The following CEP128 variants were observed in gnomAD, a reference collection of about 807,000 sequenced individuals.
The protein encoded by CEP128 is centrosomal protein 128.
Under a neutral mutation model 156.7 loss-of-function variants are expected in CEP128, and 132 were observed. The observed-to-expected ratio is 0.84, with a 90% confidence interval of 0.73 to 0.97. CEP128 has a LOEUF of 0.97. Among genes scored for constraint, CEP128 ranks in the 50% least tolerant of loss-of-function variants. The pLI is 0.00. For missense variants in CEP128, 1,252 were observed against 1,281.9 expected, an observed-to-expected ratio of 0.98 and a Z score of 0.36; for synonymous variants, 469 against 448.9, an observed-to-expected ratio of 1.04 and a Z score of -0.57.
intron 19 of CEP128, among the ~76,000 whole-genome samples, chr14:80,619,968 T>C (rs1161405351): frequency 6.7e-6 from 1 of 150,326 alleles, no homozygotes; most frequent in Non-Finnish European, 1.5e-5. Context: ...CTGCTAAAAA[T>C]ACAAAAATTA....
intron 13 of CEP128, among the ~76,000 whole-genome samples, chr14:80,829,367 A>G (rs1221885362): frequency 6.6e-6 from 1 of 152,246 alleles, no homozygotes; most frequent in Non-Finnish European, 1.5e-5. Context: ...ATTTATTCTT[A>G]GAAGCAAGAC....
intron 19 of CEP128, among the ~76,000 whole-genome samples, chr14:80,673,457 A>C (rs965869689): frequency 2.1e-5 from 3 of 141,522 alleles, no homozygotes; most frequent in Non-Finnish European, 4.6e-5. Context: ...TCCCGGCTAA[A>C]ACGGTGAAAC....
intron 23 of CEP128, among the ~76,000 whole-genome samples, chr14:80,506,986 G>A (rs1888008397): frequency 6.6e-6 from 1 of 151,960 alleles, no homozygotes; most frequent in Non-Finnish European, 1.5e-5. Context: ...AATAGTGAGG[G>A]AGCAACCAGG....
At chr14:80,755,714 T>C (rs192822470) in intron 18 of CEP128, among the ~76,000 whole-genome samples, 11 of 152,344 alleles carry the variant, frequency 7.2e-5, no homozygotes, top group Non-Finnish European at 1.3e-4. Context: ...TCAATACTTA[T>C]AGAGCTGTCC....
chr14:80,502,608 T>C (rs1289566102), intron 24 of CEP128, among the ~76,000 whole-genome samples: 1 of 152,206 alleles, frequency 6.6e-6, no homozygotes, highest in African/African-American at 2.4e-5. Flanking sequence ...TATTTTAAAA[T>C]TCTGACACCG....
At chr14:80,763,944 C>A (rs1288872043) in intron 16 of CEP128, among the ~76,000 whole-genome samples, 1 of 152,088 alleles carries the variant, frequency 6.6e-6, no homozygotes, top group Non-Finnish European at 1.5e-5. Context: ...AAAATAAATA[C>A]CCTATCAGAG....
chr14:80,538,467 C>G (rs1378206243), intron 21 of CEP128, among the ~76,000 whole-genome samples: 1 of 152,122 alleles, frequency 6.6e-6, no homozygotes, highest in African/African-American at 2.4e-5. Context: ...ATGCTATAAG[C>G]ATCTTCAAGC....
chr14:80,628,063 G>C (rs1272599112), intron 19 of CEP128, among the ~76,000 whole-genome samples: 1 of 152,104 alleles, frequency 6.6e-6, no homozygotes, highest in Non-Finnish European at 1.5e-5. Flanking sequence ...AGCTTAAATT[G>C]CAAGAACAGA....
At chr14:80,702,529 T>C (rs1165913362) in intron 19 of CEP128, among the ~76,000 whole-genome samples, 1 of 152,144 alleles carries the variant, frequency 6.6e-6, no homozygotes, top group African/African-American at 2.4e-5. Context: ...AAAATAGCAA[T>C]TAACATTTAC....
rs114714342 is a variant in CEP128 at position 80,506,830 on chromosome 14, T to C, written c.3073-1810A>G. Among the ~76,000 whole-genome samples the C allele has an allele frequency of 1.9e-3, 283 of 152,276 alleles. 1 individual carries two copies. Among genetic ancestry groups the C allele is most frequent in the African/African-American group, 5.3e-3 (219 of 41,570 alleles). On this transcript the variant is annotated intron_variant, in intron 23 of 24. Coordinates refer to ENST00000555265, the MANE Select transcript of CEP128 (RefSeq NM_152446.5). ...GGTGGTTCAAGATCATTAGCTTTCA[T>C]GTTCCAAAGGGAGATGATATAGTTA...
exon 15 of CEP128, chr14:80,477,544 G>C (rs1403198814): frequency 1.3e-5 from 2 of 152,184 alleles, no homozygotes; most frequent in African/African-American, 4.8e-5. Flanking sequence ...ATGCAGTCAT[G>C]TCAGTCACCT....
At chr14:80,637,861 A>T (rs1341278695) in intron 19 of CEP128, among the ~76,000 whole-genome samples, 1 of 152,172 alleles carries the variant, frequency 6.6e-6, no homozygotes, top group African/African-American at 2.4e-5. Flanking sequence ...GTAACAAGAG[A>T]GGGGCGTATG....
chr14:80,855,138 G>A (rs754571667), intron 9 of CEP128, among the ~76,000 whole-genome samples: 5 of 152,054 alleles, frequency 3.3e-5, no homozygotes, highest in African/African-American at 7.2e-5. Flanking sequence ...CTTGCTACAC[G>A]CATTTTCCAA....
chr14:80,537,451 C>T (rs74064209), intron 21 of CEP128, among the ~76,000 whole-genome samples: 4,240 of 152,156 alleles, frequency 0.028, 211 homozygotes, highest in African/African-American at 0.096. Context: ...TCTTTCATAT[C>T]ATTCTTGCCA....
downstream of CEP128, among the ~76,000 whole-genome samples, chr14:80,488,045 A>C (rs1370354880): frequency 2.0e-5 from 3 of 149,874 alleles, no homozygotes; most frequent in Admixed American, 6.8e-5. Flanking sequence ...ACTGAAGGAA[A>C]TAGAGACACA....
intron 19 of CEP128, among the ~76,000 whole-genome samples, chr14:80,675,371 G>GT (rs919988308): frequency 1.3e-5 from 2 of 152,030 alleles, no homozygotes; most frequent in Non-Finnish European, 2.9e-5. Flanking sequence ...TTTATAAGAT[G>GT]TTTTTTAAGA....
chr14:80,849,536 T>C (rs1886783021), intron 9 of CEP128, among the ~76,000 whole-genome samples: 1 of 152,198 alleles, frequency 6.6e-6, no homozygotes, highest in Non-Finnish European at 1.5e-5. Context: ...TTCTAAATAC[T>C]ATCCTAATAC....
At chr14:80,726,487 T>C (rs1273578896) in intron 19 of CEP128, among the ~76,000 whole-genome samples, 1 of 152,242 alleles carries the variant, frequency 6.6e-6, no homozygotes, top group African/African-American at 2.4e-5. Flanking sequence ...ATGTAAATTT[T>C]TGTGTAAATT....
chr14:80,509,102 G>A (rs373511750), intron 23 of CEP128, among the ~76,000 whole-genome samples: 28 of 152,296 alleles, frequency 1.8e-4, no homozygotes, highest in African/African-American at 6.7e-4. Flanking sequence ...CACAAGAACA[G>A]CATGGGGAAA....
Sources: allele counts gnomAD v4.1 joint callset (sites outside exome capture counted in the v4.1 genomes callset), GRCh38; gene constraint gnomAD v4.1.1; transcripts MANE v1.5; gene names NCBI Gene and HGNC (gene_info 2026-07-23, HGNC 2026-07-21).